TMEM30A: variants seen among roughly 807,000 people sequenced by gnomAD.
TMEM30A encodes the protein cell division cycle 50 P4-ATPase accessory subunit A, also known as cell cycle control protein 50A.
TMEM30A carries 24 observed loss-of-function variants against 38.2 expected under a neutral mutation model. The observed-to-expected ratio is 0.63, with a 90% CI of 0.46 to 0.88. The LOEUF (loss-of-function observed/expected upper bound fraction) is 0.88. Ranked by LOEUF, TMEM30A falls within the 40% of genes least tolerant of loss-of-function variation. The probability of loss-of-function intolerance (pLI) is 0.00; values close to 1 mark genes in which losing one functional copy is unlikely to be tolerated. For missense variants in TMEM30A, 370 were observed against 458.6 expected (o/e 0.81, Z 1.77); for synonymous variants, 145 against 161.6 (o/e 0.90, Z 0.78).
At chr6:75,256,408 C>G (rs779391995) in intron 6 of TMEM30A, 113 bp from the exon 7 acceptor site, 64 of 830,270 alleles carry the variant, frequency 7.7e-5, no homozygotes, top group Non-Finnish European at 1.1e-4. Context: ...CTAGGATATA[C>G]AGGTACCTCA....
Position 75,284,756 on chromosome 6 carries a change from C to A in TMEM30A, c.-118G>T, listed in dbSNP as rs1582290749. The A allele has an allele frequency of 1.3e-5, 12 of 931,332 alleles. No individual in the cohort carries two copies. The East Asian group carries it at 2.0e-4, about 15-fold the overall frequency. 57.7% of individuals were successfully genotyped at this position (931,332 alleles called of 1,614,324 possible). A position where few individuals can be genotyped will look rare whatever the true frequency, so the allele number is the denominator to read the frequency against. On this transcript the variant is annotated 5_prime_UTR_variant, in exon 1 of 7. Coordinates refer to ENST00000230461, the MANE Select transcript of TMEM30A (RefSeq NM_018247.4). ...GCCGCCGCCGCCGCAGCCACCAGCG[C>A]CACCGCCACAGCCACCTCCGCTGTA...
At chr6:75,259,096 C>T in intron 5 of TMEM30A, 110 bp from the exon 6 acceptor site, 2 of 973,418 alleles carry the variant, frequency 2.1e-6, no homozygotes, top group Non-Finnish European at 1.5e-6. Flanking sequence ...TCAAAAGAAG[C>T]TTTGCTGCAA....
intron 2 of TMEM30A, among the ~76,000 whole-genome samples, chr6:75,265,971 A>G (rs556472036): frequency 6.6e-6 from 1 of 152,360 alleles, no homozygotes; most frequent in East Asian, 1.9e-4. Flanking sequence ...ACTAATTAGT[A>G]GAGTCTCTAT....
chr6:75,267,107 G>C (rs755840485), intron 2 of TMEM30A, among the ~76,000 whole-genome samples: 7 of 152,248 alleles, frequency 4.6e-5, no homozygotes, highest in South Asian at 2.1e-4. Flanking sequence ...ATGTCCGTTA[G>C]CATGTATTCA....
At chr6:75,268,048 C>G (rs1418877080) in intron 1 of TMEM30A, among the ~76,000 whole-genome samples, 1 of 152,176 alleles carries the variant, frequency 6.6e-6, no homozygotes, top group Non-Finnish European at 1.5e-5. Context: ...ATAGCTAAAA[C>G]ATCTAAACTA....
At chr6:75,261,410 G>A (rs1044408043) in intron 3 of TMEM30A, among the ~76,000 whole-genome samples, 1 of 152,196 alleles carries the variant, frequency 6.6e-6, no homozygotes, top group African/African-American at 2.4e-5. Context: ...CTATATCTAA[G>A]AAAGGAAGGA....
intron 1 of TMEM30A, among the ~76,000 whole-genome samples, chr6:75,280,760 T>G (rs1292510040): frequency 6.6e-6 from 1 of 152,132 alleles, no homozygotes; most frequent in Non-Finnish European, 1.5e-5. Context: ...TCAACTTGAA[T>G]ATTAAAACCT....
intron 1 of TMEM30A, among the ~76,000 whole-genome samples, chr6:75,268,702 G>T (rs1772113502): frequency 6.6e-6 from 1 of 152,202 alleles, no homozygotes. Context: ...CCCTGAACTT[G>T]CAAATGGCAT....
chr6:75,279,121 G>T (rs115814357), intron 1 of TMEM30A, among the ~76,000 whole-genome samples: 8 of 151,906 alleles, frequency 5.3e-5, no homozygotes, highest in Non-Finnish European at 8.8e-5. Context: ...AAAGGTGTGT[G>T]GGGGGGTGGG....
At position 75,284,520 on chromosome 6, in the gene TMEM30A, G is replaced by A; in HGVS notation, c.119C>T (p.Ala40Val). ...NTAFKQQRLP[A>V]WQPILTAGTV... ...GCCAGCCGTAAGGATGGGCTGCCAA[G>A]CTGGCAGCCGTTGCTGTTTGAAGGC... Residue 40 changes from alanine (A) to valine (V), a missense_variant, in exon 1 of 7, where the codon GCT becomes GTT. Transcript: ENST00000230461. 6.2e-7 allele frequency: 1 copy of A among 1,611,758 alleles called. No individual in the cohort carries two copies. Among genetic ancestry groups the A allele is most frequent in the Non-Finnish European group, 8.5e-7 (1 of 1,178,542 alleles).
rs149782863 is a variant in TMEM30A at position 75,284,580 on chromosome 6, C to T, written c.59G>A (p.Gly20Glu). 3.6e-4 allele frequency: 578 copies of T among 1,613,564 alleles called. No individual in the cohort carries two copies. Among genetic ancestry groups the T allele is most frequent in the Middle Eastern group, 4.9e-4 (3 of 6,084 alleles). Residue 20 changes from glycine (G) to glutamate (E), a missense_variant, in exon 1 of 7, where the codon GGG becomes GAG. Gly to Glu is a moderately conservative substitution (Grantham distance 98, BLOSUM62 -2). Coordinates refer to ENST00000230461, the MANE Select transcript of TMEM30A (RefSeq NM_018247.4). Reference protein sequence around the residue: ...EVDGGPPCAPGGTAKTRRPDN... With the variant: ...EVDGGPPCAPEGTAKTRRPDN... ...CGGTCTCCGAGTCTTCGCGGTGCCC[C>T]CCGGAGCACACGGGGGCCCACCGTC...
intron 1 of TMEM30A, among the ~76,000 whole-genome samples, chr6:75,276,647 T>C (rs1772265105): frequency 6.6e-6 from 1 of 152,210 alleles, no homozygotes; most frequent in African/African-American, 2.4e-5. Context: ...TGCTTTACTC[T>C]TATTTACCAG....
At chr6:75,271,701 T>TA (rs1283504567) in intron 1 of TMEM30A, among the ~76,000 whole-genome samples, 14 of 152,336 alleles carry the variant, frequency 9.2e-5, no homozygotes, top group African/African-American at 3.1e-4. Flanking sequence ...ACACAAGTAG[T>TA]AATAGCTAGT....
intron 3 of TMEM30A, among the ~76,000 whole-genome samples, chr6:75,263,437 G>T (rs1168088727): frequency 6.6e-6 from 1 of 152,196 alleles, no homozygotes; most frequent in Non-Finnish European, 1.5e-5. Context: ...AAAGGAGCAG[G>T]ATTGGATGAT....
chr6:75,260,799 G>A, intron 4 of TMEM30A, 25 bp downstream of exon 4: 1 of 1,402,342 alleles, frequency 7.1e-7, no homozygotes, highest in Non-Finnish European at 9.7e-7. Context: ...AATTATATAT[G>A]TCTATATTTG....
At position 75,253,210 on chromosome 6, in the gene TMEM30A, AAGAC is replaced by A. The variant is rs1771809696; in HGVS notation, c.*2888_*2891del. 6.6e-6 allele frequency: 1 copy of A among 152,152 alleles called. No individual in the cohort carries two copies. The highest frequency in any genetic ancestry group is 2.4e-5 in the African/African-American group (1 of 41,452). 9.4% of individuals were successfully genotyped at this position (152,152 alleles called of 1,614,324 possible). On this transcript the variant is annotated 3_prime_UTR_variant, in exon 7 of 7. Coordinates refer to ENST00000230461, the MANE Select transcript of TMEM30A (RefSeq NM_018247.4). ...ATAATTCTAAGGCAATGGTTCTATG[AAGAC>A]AGGAGAGGTAGCAGGCTGAACCGCA...
At chr6:75,265,174 TTAC>T in intron 3 of TMEM30A, 54 bp downstream of exon 3, 2 of 1,068,436 alleles carry the variant, frequency 1.9e-6, no homozygotes, top group East Asian at 5.4e-5. Context: ...AACTGAACAG[TTAC>T]TACATATTCT....
At chr6:75,260,420 GAA>G (rs796519544) in intron 4 of TMEM30A, among the ~76,000 whole-genome samples, 1 of 148,930 alleles carries the variant, frequency 6.7e-6, no homozygotes, top group Non-Finnish European at 1.5e-5. Context: ...AAAGAAAAAG[GAA>G]AAAAAAAAAA....
At chr6:75,259,135 T>A in intron 5 of TMEM30A, 149 bp from the exon 6 acceptor site, 1 of 841,626 alleles carries the variant, frequency 1.2e-6, no homozygotes, top group East Asian at 2.7e-5. Flanking sequence ...GAAATGCTTA[T>A]AAGACATCAC....
Sources: allele counts gnomAD v4.1 joint callset (sites outside exome capture counted in the v4.1 genomes callset), GRCh38; gene constraint gnomAD v4.1.1; transcripts MANE v1.5; gene names NCBI Gene and HGNC (gene_info 2026-07-23, HGNC 2026-07-21).